CEMIP: variants seen among roughly 807,000 people sequenced by gnomAD.
CEMIP encodes cell migration inducing hyaluronidase 1, also known as cell migration-inducing and hyaluronan-binding protein.
In CEMIP, 105 loss-of-function variants were observed where a neutral mutation model predicts 156.9. The ratio of observed to expected loss-of-function variants is 0.67; its 90% CI spans 0.57 to 0.79. CEMIP has a LOEUF of 0.79. Among genes scored for constraint, CEMIP ranks in the 30% least tolerant of loss-of-function variants. The pLI, the probability that CEMIP is intolerant of heterozygous loss-of-function variation, is 0.00. For missense variants in CEMIP, 1,457 were observed against 1,769.4 expected (o/e 0.82, Z 3.17); for synonymous variants, 676 against 668.4 (o/e 1.01, Z -0.17).
rs1901126923 is a variant in CEMIP at position 80,936,532 on chromosome 15, TTTCA to T, written c.3010-137_3010-134del. 21 of 791,808 alleles carry T rather than the reference TTTCA, an allele frequency of 2.7e-5. 2 individuals carry two copies. The South Asian group carries it at 2.9e-4, about 11-fold the overall frequency. The allele number at this position is 791,808 out of a possible 1,614,324, so 49.0% of individuals were successfully genotyped here. A position where few individuals can be genotyped will look rare whatever the true frequency, so the allele number is the denominator to read the frequency against. On this transcript the variant is annotated intron_variant, in intron 23 of 29. Transcript: ENST00000394685. ...GAGATGTCCCCTTATTTGGCCTTTC[TTTCA>T]TTCAAGCCTTCTAAAAAGGGTTCTG...
At chr15:80,942,597 C>T (rs892108752) in intron 27 of CEMIP, among the ~76,000 whole-genome samples, 5 of 152,202 alleles carry the variant, frequency 3.3e-5, no homozygotes, top group African/African-American at 1.2e-4. Context: ...GTCTGCGTCT[C>T]ACCTCTCCTC....
intron 12 of CEMIP, among the ~76,000 whole-genome samples, chr15:80,898,957 G>A (rs536013687): frequency 6.6e-6 from 1 of 152,208 alleles, no homozygotes; most frequent in Non-Finnish European, 1.5e-5. Flanking sequence ...GCTCACGTCT[G>A]TAATTCCAGG....
rs1253272516 is a variant in CEMIP at position 80,942,241 on chromosome 15, T to C, written c.3613-10T>C. On this transcript the variant is annotated splice_polypyrimidine_tract_variant and intron_variant, in intron 26 of 29. Transcript: ENST00000394685. ...CCTAACAATTACATTGGGTTCTATG[T>C]GTTTTCCAGAAAACAAAGGACCATT... 1 of 1,611,122 alleles carries C rather than the reference T, an allele frequency of 6.2e-7. No homozygotes were observed. Among genetic ancestry groups the C allele is most frequent in the Non-Finnish European group, 8.5e-7 (1 of 1,177,246 alleles).
chr15:80,902,966 T>C (rs899537629), intron 12 of CEMIP: 13 of 152,172 alleles, frequency 8.5e-5, no homozygotes, highest in African/African-American at 3.1e-4. Context: ...ATTATCTCCA[T>C]TTTATAGATG....
At chr15:80,935,416 G>A (rs762492444) in intron 23 of CEMIP, among the ~76,000 whole-genome samples, 1 of 152,022 alleles carries the variant, frequency 6.6e-6, no homozygotes, top group African/African-American at 2.4e-5. Context: ...AAAGCTCATC[G>A]TTAGAGCTTG....
At chr15:80,918,491 C>T (rs529279754) in intron 14 of CEMIP, among the ~76,000 whole-genome samples, 100 of 152,270 alleles carry the variant, frequency 6.6e-4, no homozygotes, top group African/African-American at 2.3e-3. Flanking sequence ...CCTGCAATCA[C>T]GGGACAGCCT....
chr15:80,894,328 T>C (rs1365051892), intron 10 of CEMIP, among the ~76,000 whole-genome samples: 1 of 152,260 alleles, frequency 6.6e-6, no homozygotes, highest in Non-Finnish European at 1.5e-5. Flanking sequence ...TTTGTGATCC[T>C]GGGTAAGTAA....
intron 23 of CEMIP, among the ~76,000 whole-genome samples, chr15:80,934,184 T>C (rs1024302358): frequency 3.3e-5 from 5 of 152,248 alleles, no homozygotes; most frequent in Non-Finnish European, 7.3e-5. Flanking sequence ...TGCTATATCA[T>C]AGTATATTCT....
intron 1 of CEMIP, among the ~76,000 whole-genome samples, chr15:80,819,450 GT>G (rs1336747944): frequency 6.6e-6 from 1 of 152,184 alleles, no homozygotes; most frequent in Non-Finnish European, 1.5e-5. Flanking sequence ...TGCCAGTGGT[GT>G]GGTTCAGAAG....
intron 25 of CEMIP, 32 bp from the exon 26 acceptor site, chr15:80,941,817 A>T: frequency 6.2e-7 from 1 of 1,604,484 alleles, no homozygotes; most frequent in South Asian, 1.1e-5. Context: ...TGAGTGTCCA[A>T]GCAAATGCCC....
intron 4 of CEMIP, among the ~76,000 whole-genome samples, chr15:80,879,417 T>C (rs973938870): frequency 2.0e-5 from 3 of 152,214 alleles, no homozygotes; most frequent in Non-Finnish European, 2.9e-5. Flanking sequence ...CTAGAGATGA[T>C]TTCAAGTATA....
intron 25 of CEMIP, among the ~76,000 whole-genome samples, chr15:80,940,387 C>A (rs1173224634): frequency 6.6e-6 from 1 of 152,230 alleles, no homozygotes; most frequent in Non-Finnish European, 1.5e-5. Flanking sequence ...TGTGCAGAAG[C>A]CTCAGGACCA....
At chr15:80,852,933 A>G (rs1897749443) in intron 1 of CEMIP, among the ~76,000 whole-genome samples, 1 of 152,188 alleles carries the variant, frequency 6.6e-6, no homozygotes, top group East Asian at 1.9e-4. Context: ...CCGGTGGCCC[A>G]CACCCACATG....
chr15:80,942,102 C>T, intron 26 of CEMIP, 49 bp downstream of exon 26: 1 of 1,582,852 alleles, frequency 6.3e-7, no homozygotes, highest in Non-Finnish European at 8.7e-7. Flanking sequence ...CCAGTCGGGC[C>T]TAGAGCCCTT....
At chr15:80,780,854 C>G (rs1338169762) in intron 1 of CEMIP, among the ~76,000 whole-genome samples, 1 of 152,188 alleles carries the variant, frequency 6.6e-6, no homozygotes, top group Non-Finnish European at 1.5e-5. Context: ...CGTGCGCTTT[C>G]TTCCCAGACC....
At chr15:80,928,813 C>A (rs1900791374) in intron 19 of CEMIP, 89 bp from the exon 20 acceptor site, 1 of 1,535,526 alleles carries the variant, frequency 6.5e-7, no homozygotes, top group Non-Finnish European at 9.0e-7. Flanking sequence ...CAGTTTGACT[C>A]CAAGGGCAGG....
At position 80,946,753 on chromosome 15, in the gene CEMIP, G is replaced by C. The variant is rs181895283; in HGVS notation, c.3858-212G>C. On this transcript the variant is annotated intron_variant, in intron 28 of 29. Transcript: ENST00000394685. The stretch of plus-strand genomic sequence containing the variant: ...AGGCTGTGGGCACCAACTGTGGCCA[G>C]ATGTGTGGGAGGGAGCTCAGGATGT... 1.0e-5 allele frequency: 6 copies of C among 586,024 alleles called. No individual in the cohort carries two copies. The East Asian group carries it at 1.9e-4, about 18-fold the overall frequency. The allele number at this position is 586,024 out of a possible 1,614,324, so 36.3% of individuals were successfully genotyped here.
chr15:80,875,021 A>ATTTTTTTTTTTTTTTTTTTTTT (rs755707756), intron 3 of CEMIP, among the ~76,000 whole-genome samples: 1 of 64,916 alleles, frequency 1.5e-5, no homozygotes, highest in Non-Finnish European at 2.7e-5. Context: ...AGCAAGTAGC[A>ATTTTTTTTTTTTTTTTTTTTTT]TTTTTTTTTT....
intron 1 of CEMIP, among the ~76,000 whole-genome samples, chr15:80,807,691 G>C (rs1232177759): frequency 6.6e-6 from 1 of 152,236 alleles, no homozygotes; most frequent in Non-Finnish European, 1.5e-5. Flanking sequence ...ATAGCTAAAG[G>C]CTGTCTTAAA....
Sources: gnomAD v4.1 joint callset for allele counts (sites outside exome capture counted in the v4.1 genomes callset) on GRCh38, gnomAD v4.1.1 for gene constraint, MANE v1.5 for transcripts, NCBI Gene and HGNC (gene_info 2026-07-23, HGNC 2026-07-21) for gene names.